The following PTPRN2 variants were observed in gnomAD, a reference collection of about 807,000 sequenced individuals.
PTPRN2 encodes the protein protein tyrosine phosphatase receptor type N2.
Under a neutral mutation model 118.8 loss-of-function variants are expected in PTPRN2, and 74 were observed. The observed-to-expected ratio is 0.62, with a 90% CI of 0.52 to 0.76. The LOEUF (loss-of-function observed/expected upper bound fraction) is 0.76, where lower values mean the gene tolerates loss of function less well. Ranked by LOEUF, PTPRN2 falls within the 30% of genes least tolerant of loss-of-function variation. The probability of loss-of-function intolerance (pLI) is 0.00; values close to 1 mark genes in which losing one functional copy is unlikely to be tolerated. For synonymous variants in PTPRN2, 641 were observed against 608.0 expected (o/e 1.05, Z -0.80); for missense variants, 1,481 against 1,394.4 (o/e 1.06, Z -0.99).
chr7:157,541,172 G>A (rs900682070), intron 22 of PTPRN2, among the ~76,000 whole-genome samples: 2 of 152,210 alleles, frequency 1.3e-5, no homozygotes, highest in African/African-American at 2.4e-5. Context: ...CTTGGTGGAC[G>A]GTGTGAGGGG....
intron 9 of PTPRN2, among the ~76,000 whole-genome samples, chr7:158,123,902 C>A (rs1163501033): frequency 6.6e-6 from 1 of 152,080 alleles, no homozygotes; most frequent in African/African-American, 2.4e-5. Flanking sequence ...CCGACCCAGG[C>A]GGAACAGGCT....
chr7:158,431,594 CT>C (rs1816192001), intron 2 of PTPRN2, among the ~76,000 whole-genome samples: 1 of 148,286 alleles, frequency 6.7e-6, no homozygotes, highest in Non-Finnish European at 1.5e-5. Context: ...CTCACACTGG[CT>C]CACACTGGCC....
At chr7:157,878,945 A>G (rs1795954082) in intron 12 of PTPRN2, among the ~76,000 whole-genome samples, 2 of 127,890 alleles carry the variant, frequency 1.6e-5, no homozygotes, top group South Asian at 5.3e-4. Flanking sequence ...GTGGGGCTTG[A>G]CGGGTCAGTG....
At chr7:157,933,428 CTGAT>C (rs1457800332) in intron 11 of PTPRN2, among the ~76,000 whole-genome samples, 6 of 148,808 alleles carry the variant, frequency 4.0e-5, no homozygotes, top group South Asian at 2.1e-4. Flanking sequence ...GTGAGTCACT[CTGAT>C]TGACAGTTTT....
chr7:158,521,052 C>T (rs1823952762), intron 1 of PTPRN2, among the ~76,000 whole-genome samples: 1 of 152,262 alleles, frequency 6.6e-6, no homozygotes, highest in African/African-American at 2.4e-5. Flanking sequence ...GGACCTTATT[C>T]CATGACTTCC....
intron 12 of PTPRN2, among the ~76,000 whole-genome samples, chr7:157,879,226 T>C (rs892504086): frequency 9.2e-5 from 14 of 152,106 alleles, no homozygotes; most frequent in Admixed American, 2.0e-4. Flanking sequence ...GAAGGGTCAG[T>C]GTGATACCGT....
At position 157,603,992 on chromosome 7, in the gene PTPRN2, G is replaced by A. The variant is rs1281200997; in HGVS notation, c.2418+10C>T. On this transcript the variant is annotated intron_variant, in intron 16 of 22. Coordinates refer to ENST00000389418, the MANE Select transcript of PTPRN2 (RefSeq NM_002847.5). This position sits in a 1 kb window ranked among gnomAD's most constrained non-coding sequence, Gnocchi z 5.4. ...AAAGCCTGGGGCCCCTGTCCCGGCA[G>A]TGCACTTACGATGGGGCTAGCGTTG... 3 of 1,613,218 alleles carry A rather than the reference G, an allele frequency of 1.9e-6. No homozygotes were observed. The African/African-American group carries it at 4.0e-5, about 22-fold the overall frequency.
At chr7:158,246,705 C>A (rs1415564445) in intron 3 of PTPRN2, among the ~76,000 whole-genome samples, 1 of 152,008 alleles carries the variant, frequency 6.6e-6, no homozygotes, top group African/African-American at 2.4e-5. Flanking sequence ...AGCTGACAGG[C>A]AAGGCCGACC....
intron 2 of PTPRN2, among the ~76,000 whole-genome samples, chr7:158,339,444 T>C (rs1586368767): frequency 9.3e-5 from 1 of 10,754 alleles, no homozygotes; most frequent in Non-Finnish European, 1.9e-4. Context: ...CACCTGCAGA[T>C]GTCACTTACA....
intron 11 of PTPRN2, among the ~76,000 whole-genome samples, chr7:158,001,528 G>T (rs943115857): frequency 3.9e-5 from 6 of 152,038 alleles, no homozygotes; most frequent in Admixed American, 6.5e-5. Flanking sequence ...CTGAGTCCAC[G>T]GCTGGGGACG....
At chr7:158,300,599 C>T (rs998011445) in intron 3 of PTPRN2, among the ~76,000 whole-genome samples, 4 of 152,260 alleles carry the variant, frequency 2.6e-5, no homozygotes, top group African/African-American at 9.6e-5. Flanking sequence ...TCGCCCCCCA[C>T]GTGTCTGTCT....
At position 158,565,350 on chromosome 7, in the gene PTPRN2, A is replaced by G. The variant is rs770002197; in HGVS notation, c.112+22208T>C. 3.9e-5 allele frequency among the ~76,000 whole-genome samples: 6 copies of G among 152,204 alleles called. No individual in the cohort carries two copies. The highest frequency in any genetic ancestry group is 1.5e-5 in the Non-Finnish European group (1 of 68,034). On this transcript the variant is annotated intron_variant, in intron 1 of 22. Coordinates refer to ENST00000389418, the MANE Select transcript of PTPRN2 (RefSeq NM_002847.5). This position sits in a 1 kb window ranked among gnomAD's most constrained non-coding sequence, Gnocchi z 4.6. ...ATTACCGGGAACTTTGCAAATTCCC[A>G]GGAACTTTGCAAATTACCTCTCATC...
intron 5 of PTPRN2, among the ~76,000 whole-genome samples, chr7:158,180,164 A>G (rs1248088449): frequency 2.0e-5 from 3 of 152,250 alleles, no homozygotes; most frequent in Admixed American, 6.5e-5. Flanking sequence ...CCCTGCATCA[A>G]TAGAGATCCA....
At chr7:158,504,867 G>T (rs977702052) in intron 1 of PTPRN2, among the ~76,000 whole-genome samples, 1 of 152,160 alleles carries the variant, frequency 6.6e-6, no homozygotes, top group African/African-American at 2.4e-5. Context: ...AGTCCTTGGA[G>T]AGATCTCTGA....
In PTPRN2 at chr7:158,053,254, A is replaced by G. The variant is rs1480466290; in HGVS notation, c.1723+28044T>C. On this transcript the variant is annotated intron_variant, in intron 11 of 22. Coordinates refer to ENST00000389418, the MANE Select transcript of PTPRN2 (RefSeq NM_002847.5). ...CAGCTGGGAACTAAAAGGCGCTTTA[A>G]AAATGACTGACACTGTAGGAAAATC... Among the ~76,000 whole-genome samples, 3 of 152,226 alleles carry G rather than the reference A, an allele frequency of 2.0e-5. No homozygotes were observed. In the East Asian group the frequency reaches 5.8e-4, roughly 29 times the overall value.
intron 12 of PTPRN2, among the ~76,000 whole-genome samples, chr7:157,878,444 G>A (rs1000937099): frequency 8.1e-5 from 12 of 148,480 alleles, no homozygotes; most frequent in African/African-American, 2.3e-4. Flanking sequence ...CTTACTCACC[G>A]AGGAGCTCTC....
chr7:158,461,347 T>G (rs962221866), intron 2 of PTPRN2, among the ~76,000 whole-genome samples: 2 of 151,912 alleles, frequency 1.3e-5, no homozygotes, highest in Non-Finnish European at 2.9e-5. Context: ...TACAAAAAAA[T>G]TAACCGGGCG....
intron 1 of PTPRN2, among the ~76,000 whole-genome samples, chr7:158,579,806 A>G (rs1009046644): frequency 1.3e-5 from 2 of 152,268 alleles, no homozygotes; most frequent in African/African-American, 4.8e-5. Flanking sequence ...TGGCTATTTC[A>G]TAGAATCAAG....
chr7:157,904,213 C>G (rs967775944), intron 11 of PTPRN2, among the ~76,000 whole-genome samples: 1 of 152,240 alleles, frequency 6.6e-6, no homozygotes, highest in Non-Finnish European at 1.5e-5. Flanking sequence ...GTGTGCCCCA[C>G]TAACAGCACC....
Sources: gnomAD v4.1 joint callset for allele counts (sites outside exome capture counted in the v4.1 genomes callset) on GRCh38, gnomAD v4.1.1 for gene constraint, Gnocchi (gnomAD v3.1) non-coding constraint, MANE v1.5 for transcripts, NCBI Gene and HGNC (gene_info 2026-07-23, HGNC 2026-07-21) for gene names.